The following XIRP2 variants were observed in gnomAD, a reference collection of about 807,000 sequenced individuals.
The protein encoded by XIRP2 is xin actin binding repeat containing 2, also known as xin actin-binding repeat-containing protein 2.
XIRP2 carries 236 observed loss-of-function variants against 277.0 expected under a neutral mutation model. The ratio of observed to expected loss-of-function variants is 0.85; its 90% CI spans 0.77 to 0.95. XIRP2 has a LOEUF of 0.95. XIRP2 is among the 40% of genes least tolerant of loss of function. The pLI is 0.00. For synonymous variants in XIRP2, 1,490 were observed against 1,416.5 expected (o/e 1.05, Z -1.17); for missense variants, 4,640 against 4,157.5 (o/e 1.12, Z -3.19).
chr2:167,238,716 C>A (rs563204907), intron 5 of XIRP2, among the ~76,000 whole-genome samples: 8 of 152,206 alleles, frequency 5.3e-5, no homozygotes, highest in Middle Eastern at 6.8e-3. Flanking sequence ...AAAGTCAAAT[C>A]TCAAAAATAA....
At chr2:166,932,034 T>G (rs1685354643) in intron 2 of XIRP2, among the ~76,000 whole-genome samples, 1 of 152,214 alleles carries the variant, frequency 6.6e-6, no homozygotes, top group African/African-American at 2.4e-5. Flanking sequence ...TTTGTCAATG[T>G]TTATCGCACA....
intron 8 of XIRP2, among the ~76,000 whole-genome samples, chr2:167,242,153 C>A (rs542642662): frequency 1.4e-4 from 21 of 152,072 alleles, no homozygotes; most frequent in African/African-American, 4.8e-4. Context: ...TAATAATTAA[C>A]ATTAAAGTAA....
At chr2:166,987,401 G>A (rs1574139833) in intron 2 of XIRP2, among the ~76,000 whole-genome samples, 1 of 152,298 alleles carries the variant, frequency 6.6e-6, no homozygotes, top group East Asian at 1.9e-4. Context: ...CAAGACAACA[G>A]CATCCAGGCT....
At chr2:167,181,872 G>A (rs1452543346) in intron 3 of XIRP2, among the ~76,000 whole-genome samples, 2 of 152,092 alleles carry the variant, frequency 1.3e-5, no homozygotes, top group Non-Finnish European at 2.9e-5. Context: ...TGGCTCATTG[G>A]TCAGGTGTTT....
chr2:167,047,652 A>G (rs552614473), intron 2 of XIRP2, among the ~76,000 whole-genome samples: 1 of 152,106 alleles, frequency 6.6e-6, no homozygotes, highest in East Asian at 1.9e-4. Context: ...AATATTTAGT[A>G]CAAGACAGGG....
chr2:166,935,098 G>A (rs1320415563), intron 2 of XIRP2, among the ~76,000 whole-genome samples: 1 of 151,936 alleles, frequency 6.6e-6, no homozygotes, highest in Non-Finnish European at 1.5e-5. Flanking sequence ...TACTTTCAGA[G>A]GAGTTCTATT....
chr2:167,127,117 T>C (rs1201764885), intron 2 of XIRP2, among the ~76,000 whole-genome samples: 1 of 152,178 alleles, frequency 6.6e-6, no homozygotes, highest in Non-Finnish European at 1.5e-5. Context: ...ATTGGAGATA[T>C]TTTTATTGCA....
rs117054380 is a variant in XIRP2 at position 167,250,436 on chromosome 2, T to C, written c.9044T>C (p.Ile3015Thr). The C allele has an allele frequency of 2.1e-5, 34 of 1,613,330 alleles. No individual in the cohort carries two copies. In the East Asian group the frequency reaches 7.1e-4, roughly 34 times the overall value. Residue 3015 changes from isoleucine to threonine, a missense_variant, in exon 9 of 11, where the codon ATT becomes ACT. Ile to Thr is a moderately conservative substitution (Grantham distance 89). Transcript: ENST00000409195. ...AAAGTAAAAGAAGAAATAACACATA[T>C]TAAAACTCAAGCGGAAGATATGCTT... The part of the protein sequence containing the change: ...LEKVKEEITH[I>T]KTQAEDMLVS...
At chr2:167,024,792 C>T (rs535634759) in intron 2 of XIRP2, among the ~76,000 whole-genome samples, 1,746 of 152,230 alleles carry the variant, frequency 0.011, 44 homozygotes, top group African/African-American at 0.04. Context: ...CCTTGCATCC[C>T]AGGGATGAAG....
At chr2:167,048,592 A>G (rs1453417296) in intron 2 of XIRP2, among the ~76,000 whole-genome samples, 3 of 151,762 alleles carry the variant, frequency 2.0e-5, no homozygotes, top group East Asian at 1.9e-4. Context: ...TGCTATGTTC[A>G]TTCAAAGAAG....
chr2:167,023,427 T>C (rs1415460475), intron 2 of XIRP2, among the ~76,000 whole-genome samples: 4 of 151,974 alleles, frequency 2.6e-5, no homozygotes, highest in Non-Finnish European at 5.9e-5. Flanking sequence ...CTGATGGTAG[T>C]TTCTTTTGCT....
intron 2 of XIRP2, among the ~76,000 whole-genome samples, chr2:167,028,458 A>G (rs944180927): frequency 5.3e-5 from 8 of 152,072 alleles, no homozygotes; most frequent in African/African-American, 1.9e-4. Context: ...AAGGCCACCA[A>G]GGCAATATCT....
In XIRP2 at chr2:167,251,743, T is replaced by C. The variant is rs746337360; in HGVS notation, c.10351T>C (p.Phe3451Leu). 16 of 1,613,278 alleles carry C rather than the reference T, an allele frequency of 9.9e-6. No homozygotes were observed. Among genetic ancestry groups the C allele is most frequent in the Non-Finnish European group, 1.3e-5 (15 of 1,179,588 alleles). ...AGAAGCTGGCAAATCTGGCTGTGAC[T>C]TCAAGCATGCCCCACCAACCTATGA... ...SSEAGKSGCD[F>L]KHAPPTYEDV... The change falls in exon 9 of 11, where the codon TTC becomes CTC. Residue 3451 changes from phenylalanine (F) to leucine (L), a missense_variant. By Grantham distance (22) the Phe-to-Leu change is conservative. Transcript: ENST00000409195.
rs755244911 is a variant in XIRP2, at chr2:167,247,517, G to T, written c.6125G>T (p.Ser2042Ile). ...REQNNDALEK[S>I]LRRLSNSHHK... The stretch of plus-strand genomic sequence containing the variant: ...CAAAACAATGATGCTCTGGAGAAAA[G>T]CCTTAGAAGACTATCTAATTCACAC... The change falls in exon 9 of 11, where the codon AGC becomes ATC. Residue 2042 changes from serine to isoleucine, a missense_variant. By Grantham distance (142) the Ser-to-Ile change is moderately radical (BLOSUM62 -2). Coordinates refer to ENST00000409195, the MANE Select transcript of XIRP2 (RefSeq NM_152381.6). 1 of 1,613,736 alleles carries T rather than the reference G, an allele frequency of 6.2e-7. No individual in the cohort carries two copies.
At chr2:167,030,751 G>A (rs968365818) in intron 2 of XIRP2, among the ~76,000 whole-genome samples, 2 of 151,496 alleles carry the variant, frequency 1.3e-5, no homozygotes, top group African/African-American at 4.8e-5. Context: ...CTGAGTTCAA[G>A]TCCTGAATAC....
chr2:167,081,426 C>A (rs569461692), intron 2 of XIRP2, among the ~76,000 whole-genome samples: 37 of 152,120 alleles, frequency 2.4e-4, no homozygotes, highest in African/African-American at 8.9e-4. Context: ...AGTGATTGCA[C>A]CACTGTACTC....
At chr2:167,085,322 C>T (rs1405254700) in intron 2 of XIRP2, among the ~76,000 whole-genome samples, 10 of 151,596 alleles carry the variant, frequency 6.6e-5, no homozygotes, top group Non-Finnish European at 1.2e-4. Flanking sequence ...TTGTTATAAT[C>T]TCTGTTCTTT....
intron 2 of XIRP2, among the ~76,000 whole-genome samples, chr2:167,103,060 G>A (rs149913225): frequency 6.6e-6 from 1 of 152,222 alleles, no homozygotes; most frequent in African/African-American, 2.4e-5. Flanking sequence ...GATCACTTGA[G>A]CCTGGGAGGT....
chr2:167,248,217 C>T lies in XIRP2; in HGVS notation c.6825C>T (p.Asn2275=). The change falls in exon 9 of 11, where the codon AAC becomes AAT. Residue 2275 remains asparagine (N), a synonymous_variant. Coordinates refer to ENST00000409195, the MANE Select transcript of XIRP2 (RefSeq NM_152381.6). Reference sequence around the variant, plus strand: ...TGGAAAGGTCCTTGAATCCAATCAACTTTAACCCTGAGAATAATGTAAAAG... The same window carrying T: ...TGGAAAGGTCCTTGAATCCAATCAATTTTAACCCTGAGAATAATGTAAAAG... ...MAMERSLNPI[N]FNPENNVKES... The T allele has an allele frequency of 1.2e-6, 2 of 1,613,728 alleles. No homozygotes were observed. The highest frequency in any genetic ancestry group is 1.7e-6 in the Non-Finnish European group (2 of 1,179,774).
Sources: allele counts gnomAD v4.1 joint callset (sites outside exome capture counted in the v4.1 genomes callset), GRCh38; gene constraint gnomAD v4.1.1; transcripts MANE v1.5; gene names NCBI Gene and HGNC (gene_info 2026-07-23, HGNC 2026-07-21).